The following NUP43 variants were observed in gnomAD, a reference collection of about 807,000 sequenced individuals.
The protein encoded by NUP43 is nucleoporin 43.
A neutral mutation model predicts 47.3 loss-of-function variants in NUP43; 32 were observed. That is an observed-to-expected ratio of 0.68 (90% CI 0.51 to 0.91). The LOEUF (loss-of-function observed/expected upper bound fraction) is 0.91, where lower values mean the gene tolerates loss of function less well. NUP43 is among the 40% of genes least tolerant of loss of function. The pLI is 0.00. For synonymous variants in NUP43, 147 were observed against 158.4 expected (o/e 0.93, Z 0.54); for missense variants, 444 against 453.9 (o/e 0.98, Z 0.20).
At position 149,733,986 on chromosome 6, in the gene NUP43, G is replaced by A. The variant is rs773334655; in HGVS notation, c.791-2251C>T. Among the ~76,000 whole-genome samples the A allele has an allele frequency of 3.3e-5, 5 of 151,710 alleles. No individual in the cohort carries two copies. The South Asian group carries it at 6.2e-4, about 19-fold the overall frequency. On this transcript the variant is annotated intron_variant, in intron 6 of 7. Coordinates refer to ENST00000340413, the MANE Select transcript of NUP43 (RefSeq NM_198887.3). ...ATTACAGGCATGTGCCACCACGCCC[G>A]GCTAATTTTGTATTTTTAGTAGCGA...
chr6:149,728,051 C>A (rs968311252), intron 7 of NUP43: 1 of 985,394 alleles, frequency 1.0e-6, no homozygotes, highest in South Asian at 4.7e-5. Context: ...ACTTCCTTCT[C>A]TAAGAAAACT....
At chr6:149,746,244 CT>C in intron 1 of NUP43, 131 bp downstream of exon 1, 1 of 1,422,260 alleles carries the variant, frequency 7.0e-7, no homozygotes, top group Non-Finnish European at 9.6e-7. Flanking sequence ...GCAACCGCGC[CT>C]GAGACAGGGG....
intron 1 of NUP43, 116 bp downstream of exon 1, chr6:149,746,260 G>T: frequency 6.8e-7 from 1 of 1,473,358 alleles, no homozygotes; most frequent in Non-Finnish European, 9.3e-7. Context: ...CAGGGGTCCG[G>T]GGGACCTAAA....
Position 149,727,213 on chromosome 6 carries a change from G to A in NUP43, c.914-15C>T. 6.2e-7 allele frequency: 1 copy of A among 1,605,360 alleles called. No individual in the cohort carries two copies. Among genetic ancestry groups the A allele is most frequent in the Non-Finnish European group, 8.5e-7 (1 of 1,175,142 alleles). ...GCTTCTTCCTCCTGGGAGAAAAAAAGAAAAGGAAGAAATCTTTCAAGATGA... is the reference window on the plus strand; with the variant it reads ...GCTTCTTCCTCCTGGGAGAAAAAAAAAAAAGGAAGAAATCTTTCAAGATGA... On this transcript the variant is annotated splice_polypyrimidine_tract_variant and intron_variant, in intron 7 of 7. Transcript: ENST00000340413.
intron 4 of NUP43, among the ~76,000 whole-genome samples, chr6:149,739,072 T>C (rs1241270875): frequency 6.6e-6 from 1 of 151,228 alleles, no homozygotes. Context: ...TCTCCACCTC[T>C]CGGATTCAAG....
At chr6:149,748,314 G>A (rs556950978), upstream of NUP43, among the ~76,000 whole-genome samples, 2 of 152,212 alleles carry the variant, frequency 1.3e-5, no homozygotes, top group Admixed American at 6.5e-5. Flanking sequence ...GTGAGACTCC[G>A]TCTCAATCAA....
At chr6:149,736,330 T>G in intron 6 of NUP43, 141 bp downstream of exon 6, 2 of 542,560 alleles carry the variant, frequency 3.7e-6, no homozygotes, top group Non-Finnish European at 5.9e-6. Flanking sequence ...AAAAAGAAAT[T>G]ACATAACTAT....
At position 149,731,726 on chromosome 6, in the gene NUP43, A is replaced by G. The variant is rs1785055069; in HGVS notation, c.800T>C (p.Val267Ala). 1 of 1,613,596 alleles carries G rather than the reference A, an allele frequency of 6.2e-7. No homozygotes were observed. The highest frequency in any genetic ancestry group is 1.7e-5 in the Admixed American group (1 of 59,938). ...TTCTGGGTTGGATGGGTGAAAGTGA[A>G]CTTCCCACACTAAGAGACAAGAATC... Reference protein sequence around the residue: ...LKAHEAEMWEVHFHPSNPEHL... With the variant: ...LKAHEAEMWEAHFHPSNPEHL... The change falls in exon 7 of 8, where the codon GTT becomes GCT. Residue 267 changes from valine (V) to alanine (A), a missense_variant. Val to Ala is a moderately conservative substitution (Grantham distance 64). Coordinates refer to ENST00000340413, the MANE Select transcript of NUP43 (RefSeq NM_198887.3).
At chr6:149,740,543 C>T (rs760269706) in intron 4 of NUP43, among the ~76,000 whole-genome samples, 1 of 151,956 alleles carries the variant, frequency 6.6e-6, no homozygotes, top group Non-Finnish European at 1.5e-5. Context: ...GCTGGAGAAT[C>T]GCGTGAACCC....
intron 4 of NUP43, among the ~76,000 whole-genome samples, chr6:149,739,629 C>T (rs888256569): frequency 6.6e-6 from 1 of 152,032 alleles, no homozygotes; most frequent in Non-Finnish European, 1.5e-5. Flanking sequence ...TCATACATTT[C>T]TTTTTAACTC....
At chr6:149,748,792 G>A, upstream of NUP43, among the ~76,000 whole-genome samples, 1 of 132,752 alleles carries the variant, frequency 7.5e-6, no homozygotes, top group African/African-American at 2.9e-5. Context: ...CTGGGCGACA[G>A]AGCGAGACTC....
intron 4 of NUP43, among the ~76,000 whole-genome samples, chr6:149,741,514 CT>C (rs113680189): frequency 0.01 from 1,470 of 145,904 alleles, 16 homozygotes; most frequent in African/African-American, 0.032. Flanking sequence ...ATTGTGTTTA[CT>C]TTTTTTTTTT....
upstream of NUP43, among the ~76,000 whole-genome samples, chr6:149,748,992 T>C (rs1322599585): frequency 1.3e-5 from 2 of 152,104 alleles, no homozygotes; most frequent in African/African-American, 4.8e-5. Context: ...TGAGGCTTAA[T>C]TAGGTGGAAA....
At chr6:149,747,920 A>C (rs530055471), upstream of NUP43, among the ~76,000 whole-genome samples, 8 of 152,326 alleles carry the variant, frequency 5.3e-5, no homozygotes, top group East Asian at 1.3e-3. Flanking sequence ...CTTTTCTCCA[A>C]ATGGAAGATC....
rs200712558 is a variant in NUP43, at chr6:149,746,394, T to C, written c.102A>G (p.Thr34=). ...GCGATACCTCATTGTCCCAAGATCC[T>C]GTAGCGAACGTCTCCGCGGTCTGTA... ...GSLQTAETFA[T]GSWDNEENYI... The change falls in exon 1 of 8, where the codon ACA becomes ACG. Residue 34 remains threonine, a synonymous_variant. Coordinates refer to ENST00000340413, the MANE Select transcript of NUP43 (RefSeq NM_198887.3). 1.2e-6 allele frequency: 2 copies of C among 1,614,192 alleles called. No homozygotes were observed. Among genetic ancestry groups the C allele is most frequent in the East Asian group, 2.2e-5 (1 of 44,886 alleles).
intron 2 of NUP43, among the ~76,000 whole-genome samples, chr6:149,744,429 C>G (rs1346133810): frequency 6.7e-6 from 1 of 149,966 alleles, no homozygotes; most frequent in Non-Finnish European, 1.5e-5. Context: ...GAGGCTGAGG[C>G]AGAAGAATCA....
chr6:149,745,143 G>A (rs1244959896), intron 2 of NUP43, among the ~76,000 whole-genome samples: 1 of 151,892 alleles, frequency 6.6e-6, no homozygotes, highest in Admixed American at 6.6e-5. Context: ...GCTCACTCCT[G>A]TAATCCCAGC....
rs1784768732 is a variant in NUP43 at position 149,725,684 on chromosome 6, A to G, written c.*1285T>C. 2 of 152,346 alleles carry G rather than the reference A, an allele frequency of 1.3e-5. No homozygotes were observed. The highest frequency in any genetic ancestry group is 4.1e-4 in the South Asian group (2 of 4,826). 9.4% of individuals were successfully genotyped at this position (152,346 alleles called of 1,614,324 possible). A position where few individuals can be genotyped will look rare whatever the true frequency, so the allele number is the denominator to read the frequency against. On this transcript the variant is annotated 3_prime_UTR_variant, in exon 8 of 8. Coordinates refer to ENST00000340413, the MANE Select transcript of NUP43 (RefSeq NM_198887.3). ...AATTACAAAGTAAATGAACACTTCAATTGTCTAATAGCAGTGATTTGTCAT... is the reference window on the plus strand; with the variant it reads ...AATTACAAAGTAAATGAACACTTCAGTTGTCTAATAGCAGTGATTTGTCAT...
intron 4 of NUP43, among the ~76,000 whole-genome samples, chr6:149,739,705 C>T (rs1239388800): frequency 1.3e-5 from 2 of 152,172 alleles, no homozygotes; most frequent in Non-Finnish European, 2.9e-5. Flanking sequence ...TCTTACTTCC[C>T]ACTAGTCCCT....
Sources: gnomAD v4.1 joint callset for allele counts (sites outside exome capture counted in the v4.1 genomes callset) on GRCh38, gnomAD v4.1.1 for gene constraint, MANE v1.5 for transcripts, NCBI Gene and HGNC (gene_info 2026-07-23, HGNC 2026-07-21) for gene names.